Variants in RBFOX1 observed in about 807,000 individuals in gnomAD.
RBFOX1 encodes the protein RNA binding fox-1 homolog 1, also known as RNA binding protein fox-1 homolog 1.
RBFOX1 carries 8 observed loss-of-function variants against 57.7 expected under a neutral mutation model. The ratio of observed to expected loss-of-function variants is 0.14; its 90% CI spans 0.08 to 0.25. The LOEUF is 0.25. RBFOX1 is among the 10% of genes least tolerant of loss of function. The pLI is 1.00. For missense variants in RBFOX1, 611 were observed against 548.5 expected, an observed-to-expected ratio of 1.11 and a Z score of -1.14; for synonymous variants, 326 against 222.4, an observed-to-expected ratio of 1.47 and a Z score of -4.15.
In RBFOX1 at chr16:7,521,446, C is replaced by T. The variant is rs577595042; in HGVS notation, c.270+3057C>T. The stretch of plus-strand genomic sequence containing the variant: ...AAAAGAAAGGGTTAGTGATGCCTAG[C>T]TTAAAGGAAATTTAATCTAGTTGGG... On this transcript the variant is annotated intron_variant, in intron 5 of 15. Transcript: ENST00000550418. 2.6e-5 allele frequency among the ~76,000 whole-genome samples: 4 copies of T among 152,296 alleles called. 1 individual carries two copies. Among genetic ancestry groups the T allele is most frequent in the African/African-American group, 9.6e-5 (4 of 41,562 alleles).
chr16:6,377,852 G>T (rs2091367587), intron 2 of RBFOX1, among the ~76,000 whole-genome samples: 1 of 152,140 alleles, frequency 6.6e-6, no homozygotes, highest in South Asian at 2.1e-4. Flanking sequence ...TGGATTCCCA[G>T]ACTATGGAAG....
chr16:7,187,690 C>CAAAAAAAAAAAAAAAAA (rs536529201), intron 4 of RBFOX1, among the ~76,000 whole-genome samples: 5 of 72,566 alleles, frequency 6.9e-5, no homozygotes, highest in African/African-American at 1.9e-4. Context: ...CTCTGTCTCA[C>CAAAAAAAAAAAAAAAAA]AAAAAAAAAA....
chr16:7,424,268 A>G (rs1383483821), intron 4 of RBFOX1, among the ~76,000 whole-genome samples: 3 of 137,036 alleles, frequency 2.2e-5, no homozygotes, highest in African/African-American at 7.4e-5. Flanking sequence ...ATATATATAC[A>G]TATATATGGG....
At chr16:5,686,547 C>T (rs2050509613) in intron 3 of RBFOX1, among the ~76,000 whole-genome samples, 2 of 152,046 alleles carry the variant, frequency 1.3e-5, no homozygotes, top group Admixed American at 6.6e-5. Context: ...TCTACTTAAT[C>T]GTGGGTCTTC....
intron 3 of RBFOX1, among the ~76,000 whole-genome samples, chr16:6,874,509 T>TAAAAAAAA (rs57494867): frequency 5.6e-5 from 4 of 71,104 alleles, no homozygotes; most frequent in Non-Finnish European, 7.1e-5. Context: ...AGACTCCATC[T>TAAAAAAAA]AAAAAAAAAA....
intron 1 of RBFOX1, among the ~76,000 whole-genome samples, chr16:6,106,729 C>G (rs1418570077): frequency 1.3e-5 from 2 of 152,008 alleles, no homozygotes; most frequent in Non-Finnish European, 2.9e-5. Context: ...GTGCAGTGGC[C>G]TGATCTCAGC....
chr16:6,802,124 C>G (rs1232045271), intron 3 of RBFOX1, among the ~76,000 whole-genome samples: 2 of 151,962 alleles, frequency 1.3e-5, no homozygotes, highest in African/African-American at 2.4e-5. Flanking sequence ...CCTTCAGTAT[C>G]TTGTCAGGAT....
intron 4 of RBFOX1, among the ~76,000 whole-genome samples, chr16:7,064,663 C>T (rs951591900): frequency 6.6e-6 from 1 of 152,142 alleles, no homozygotes; most frequent in Non-Finnish European, 1.5e-5. Flanking sequence ...TTTGATTTCC[C>T]TGGTCCACGG....
chr16:7,202,542 G>T (rs1046672232), intron 4 of RBFOX1, among the ~76,000 whole-genome samples: 3 of 152,170 alleles, frequency 2.0e-5, no homozygotes, highest in South Asian at 2.1e-4. Flanking sequence ...AGTGGTACCG[G>T]TGTATGGCCT....
At chr16:7,254,749 C>T (rs373826478) in intron 4 of RBFOX1, among the ~76,000 whole-genome samples, 8 of 152,148 alleles carry the variant, frequency 5.3e-5, no homozygotes, top group East Asian at 1.9e-4. Context: ...ATAGGCATTA[C>T]GTCTCTGAAG....
intron 2 of RBFOX1, among the ~76,000 whole-genome samples, chr16:5,496,946 A>G (rs1165579187): frequency 6.6e-6 from 1 of 152,232 alleles, no homozygotes; most frequent in Non-Finnish European, 1.5e-5. Context: ...CATCTGCACT[A>G]AGTGATATTT....
rs2059418957 is a variant in RBFOX1, at chr16:5,947,267, G to A, written c.351+79932G>A. 1.3e-5 allele frequency among the ~76,000 whole-genome samples: 2 copies of A among 152,148 alleles called. No individual in the cohort carries two copies. Among genetic ancestry groups the A allele is most frequent in the South Asian group, 4.1e-4 (2 of 4,828 alleles). ...CTACTAAGGCTGGAGAGCACAGTGG[G>A]TAAGGAGGAGGTGGCCAAGCTGAGG... is the stretch of plus-strand genomic sequence containing the variant. On this transcript the variant is annotated intron_variant, in intron 4 of 19. Transcript: ENST00000641259. This position sits in a 1 kb window ranked among gnomAD's most constrained non-coding sequence, Gnocchi z 7.2.
intron 3 of RBFOX1, among the ~76,000 whole-genome samples, chr16:5,841,960 G>T (rs1436731265): frequency 2.6e-5 from 4 of 152,188 alleles, no homozygotes; most frequent in Non-Finnish European, 5.9e-5. Flanking sequence ...ACGTGGGCTG[G>T]TGGGCTGCCA....
At chr16:6,602,101 G>A (rs965284516) in intron 2 of RBFOX1, among the ~76,000 whole-genome samples, 2 of 151,968 alleles carry the variant, frequency 1.3e-5, no homozygotes, top group African/African-American at 4.8e-5. Context: ...GTTGTTTATT[G>A]GCCATTTGTC....
intron 4 of RBFOX1, among the ~76,000 whole-genome samples, chr16:7,088,473 G>A (rs1246128020): frequency 6.6e-6 from 1 of 151,840 alleles, no homozygotes; most frequent in Non-Finnish European, 1.5e-5. Flanking sequence ...TACAAGATTG[G>A]TCTTGAAAAA....
chr16:6,495,536 T>A lies in RBFOX1; in HGVS notation c.-63-159067T>A, dbSNP rs1020882794. ...CATTTAGAGTAAACATCTATTGATA[T>A]CACCCTGAAAAGAAATAATAAATGA... On this transcript the variant is annotated intron_variant, in intron 2 of 15. Coordinates refer to ENST00000550418, the MANE Select transcript of RBFOX1 (RefSeq NM_018723.4). 1.1e-4 allele frequency among the ~76,000 whole-genome samples: 16 copies of A among 152,214 alleles called. No individual in the cohort carries two copies. In the East Asian group the frequency reaches 3.1e-3, roughly 29 times the overall value.
intron 4 of RBFOX1, among the ~76,000 whole-genome samples, chr16:7,435,633 C>T (rs1384833467): frequency 6.6e-6 from 1 of 152,228 alleles, no homozygotes; most frequent in Non-Finnish European, 1.5e-5. Context: ...TGAACTATTG[C>T]AAGCCACATT....
intron 3 of RBFOX1, among the ~76,000 whole-genome samples, chr16:6,857,115 C>G (rs1184782032): frequency 2.0e-5 from 3 of 152,126 alleles, no homozygotes; most frequent in African/African-American, 7.2e-5. Flanking sequence ...AACCCTGACA[C>G]AAATCTCTGT....
rs529331025 is a variant in RBFOX1, at chr16:7,063,299, C to T, written c.27+11201C>T. Among the ~76,000 whole-genome samples the T allele has an allele frequency of 2.4e-4, 37 of 152,112 alleles. No individual in the cohort carries two copies. In the South Asian group the frequency reaches 6.4e-3, roughly 27 times the overall value. On this transcript the variant is annotated intron_variant, in intron 4 of 15. Coordinates refer to ENST00000550418, the MANE Select transcript of RBFOX1 (RefSeq NM_018723.4). ...TCCCTGTAGGAGTAAGATATTCCCC[C>T]CAACCCCAGGGGACCACCCCCGTGC...
Sources: allele counts gnomAD v4.1 joint callset (sites outside exome capture counted in the v4.1 genomes callset), GRCh38; gene constraint gnomAD v4.1.1; non-coding constraint Gnocchi (gnomAD v3.1); transcripts MANE v1.5; gene names NCBI Gene and HGNC (gene_info 2026-07-23, HGNC 2026-07-21).